Variants in EPHA5 observed in about 807,000 individuals in gnomAD.
The protein encoded by EPHA5 is ephrin type-A receptor 5.
Under a neutral mutation model 105.0 loss-of-function variants are expected in EPHA5, and 60 were observed. That is an observed-to-expected ratio of 0.57 (90% CI 0.46 to 0.71). The LOEUF is 0.71. Ranked by LOEUF, EPHA5 falls within the 30% of genes least tolerant of loss-of-function variation. The pLI is 0.00. For synonymous variants in EPHA5, 513 were observed against 449.1 expected (o/e 1.14, Z -1.80); for missense variants, 1,218 against 1,274.7 (o/e 0.96, Z 0.68).
intron 3 of EPHA5, chr4:65,574,266 G>A: frequency 6.3e-7 from 1 of 1,591,820 alleles, no homozygotes; most frequent in South Asian, 1.1e-5. Flanking sequence ...TCAGCTCCAG[G>A]GCTAGTTGCG....
chr4:65,583,385 C>T (rs539128952), intron 3 of EPHA5, among the ~76,000 whole-genome samples: 4 of 151,750 alleles, frequency 2.6e-5, no homozygotes, highest in South Asian at 2.1e-4. Flanking sequence ...GTTCTCCTAC[C>T]GAAGAGGAGG....
chr4:65,438,766 G>GA (rs148530672), intron 5 of EPHA5, among the ~76,000 whole-genome samples: 15,073 of 149,536 alleles, frequency 0.1, 963 homozygotes, highest in Middle Eastern at 0.23. Context: ...GTTTTATTTG[G>GA]AAAAAAAAAT....
intron 8 of EPHA5, among the ~76,000 whole-genome samples, chr4:65,380,364 A>C (rs1290899618): frequency 6.6e-6 from 1 of 151,816 alleles, no homozygotes; most frequent in African/African-American, 2.4e-5. Flanking sequence ...AGAAGATTCA[A>C]ATAAAATTAC....
chr4:65,442,028 T>G (rs1371685299), intron 5 of EPHA5, among the ~76,000 whole-genome samples: 1 of 152,100 alleles, frequency 6.6e-6, no homozygotes, highest in African/African-American at 2.4e-5. Flanking sequence ...TTACCCTATT[T>G]AATATATACA....
intron 14 of EPHA5, among the ~76,000 whole-genome samples, chr4:65,338,952 A>C (rs184113679): frequency 6.6e-6 from 1 of 152,270 alleles, no homozygotes; most frequent in African/African-American, 2.4e-5. Context: ...TTACTATTAG[A>C]TTTGTTGATA....
chr4:65,608,738 G>T (rs1744478886), intron 2 of EPHA5, among the ~76,000 whole-genome samples: 1 of 152,104 alleles, frequency 6.6e-6, no homozygotes, highest in Non-Finnish European at 1.5e-5. Flanking sequence ...TTCCTGTTAT[G>T]CAATGCATGC....
intron 3 of EPHA5, among the ~76,000 whole-genome samples, chr4:65,500,704 T>A (rs1732399280): frequency 1.3e-5 from 2 of 150,886 alleles, no homozygotes; most frequent in South Asian, 4.2e-4. Context: ...ACTCCAGAAA[T>A]ATGGCCCACC....
At chr4:65,341,054 C>T (rs554169397) in intron 14 of EPHA5, among the ~76,000 whole-genome samples, 1 of 152,186 alleles carries the variant, frequency 6.6e-6, no homozygotes, top group African/African-American at 2.4e-5. Context: ...CCCGGCTTCC[C>T]TTCATCCCTC....
chr4:65,383,756 C>T (rs1719815747), intron 8 of EPHA5, among the ~76,000 whole-genome samples: 1 of 151,116 alleles, frequency 6.6e-6, no homozygotes, highest in South Asian at 2.1e-4. Flanking sequence ...GACATCTCTT[C>T]TTCTAATATT....
chr4:65,420,667 T>TAA, intron 5 of EPHA5, 102 bp from the exon 6 acceptor site: 1 of 1,101,218 alleles, frequency 9.1e-7, no homozygotes, highest in Non-Finnish European at 1.2e-6. Flanking sequence ...CGTAGCAATA[T>TAA]AAAAAAAATC....
chr4:65,597,054 A>AT (rs1300227162), intron 3 of EPHA5, among the ~76,000 whole-genome samples: 4 of 152,046 alleles, frequency 2.6e-5, no homozygotes, highest in Non-Finnish European at 5.9e-5. Context: ...TTTTCACTAC[A>AT]TTTTCCTCGC....
chr4:65,595,707 A>C (rs559209884), intron 3 of EPHA5, among the ~76,000 whole-genome samples: 1 of 151,652 alleles, frequency 6.6e-6, no homozygotes, highest in East Asian at 2.0e-4. Flanking sequence ...CAACCTCCCG[A>C]GTAGCTGGGA....
At chr4:65,594,306 T>A (rs1274581732) in intron 3 of EPHA5, among the ~76,000 whole-genome samples, 1 of 152,190 alleles carries the variant, frequency 6.6e-6, no homozygotes, top group Non-Finnish European at 1.5e-5. Context: ...TACACAAATA[T>A]GAGACATTTC....
intron 3 of EPHA5, among the ~76,000 whole-genome samples, chr4:65,587,607 A>G (rs1742244664): frequency 3.9e-5 from 6 of 152,130 alleles, no homozygotes; most frequent in Admixed American, 3.3e-4. Context: ...GGATATTCCC[A>G]TAGGAAATAT....
intron 5 of EPHA5, among the ~76,000 whole-genome samples, chr4:65,438,256 G>C (rs781075668): frequency 1.3e-5 from 2 of 151,828 alleles, no homozygotes; most frequent in Non-Finnish European, 2.9e-5. Flanking sequence ...ATGTTCAATT[G>C]AAGCCAAGAT....
chr4:65,388,648 C>A (rs1321631198), intron 8 of EPHA5, among the ~76,000 whole-genome samples: 6 of 127,628 alleles, frequency 4.7e-5, no homozygotes, highest in African/African-American at 1.5e-4. Context: ...ATCCTTTGCC[C>A]ACTTTTTGAT....
chr4:65,527,803 G>A (rs1435531477), intron 3 of EPHA5, among the ~76,000 whole-genome samples: 2 of 151,868 alleles, frequency 1.3e-5, no homozygotes, highest in Non-Finnish European at 2.9e-5. Context: ...TATTAAGCCC[G>A]GTGTCCACTA....
At chr4:65,458,331 C>A (rs571301247) in intron 5 of EPHA5, among the ~76,000 whole-genome samples, 2 of 152,056 alleles carry the variant, frequency 1.3e-5, no homozygotes, top group South Asian at 4.1e-4. Flanking sequence ...ATCAATTTAC[C>A]TTTCCAAACA....
At chr4:65,489,590 T>C (rs1731213354) in intron 5 of EPHA5, among the ~76,000 whole-genome samples, 1 of 152,230 alleles carries the variant, frequency 6.6e-6, no homozygotes, top group African/African-American at 2.4e-5. Flanking sequence ...TAGAAATTAC[T>C]CTTAGGTTTA....
Sources: gnomAD v4.1 joint callset for allele counts (sites outside exome capture counted in the v4.1 genomes callset) on GRCh38, gnomAD v4.1.1 for gene constraint, MANE v1.5 for transcripts, NCBI Gene and HGNC (gene_info 2026-07-23, HGNC 2026-07-21) for gene names.